The following RRN3 variants were observed in gnomAD, a reference collection of about 807,000 sequenced individuals.
RRN3 encodes RNA polymerase I-specific transcription initiation factor RRN3.
RRN3 carries 38 observed loss-of-function variants against 82.3 expected under a neutral mutation model. That is an observed-to-expected ratio of 0.46 (90% CI 0.36 to 0.61). RRN3 has a LOEUF of 0.61. Ranked by LOEUF, RRN3 falls within the 20% of genes least tolerant of loss-of-function variation. The pLI, the probability that RRN3 is intolerant of heterozygous loss-of-function variation, is 0.00. For missense variants in RRN3, 726 were observed against 793.1 expected, an observed-to-expected ratio of 0.92 and a Z score of 1.02; for synonymous variants, 284 against 284.3, an observed-to-expected ratio of 1.00 and a Z score of 0.01.
At position 15,092,557 on chromosome 16, in the gene RRN3, A is replaced by C; in HGVS notation, c.147T>G (p.Thr49=). The C allele has an allele frequency of 6.2e-7, 1 of 1,613,738 alleles. No individual in the cohort carries two copies. The part of the protein sequence containing the change: ...NDFFNSPPRK[T]VRFGGTVTEV... ...CTGTCACAGTTCCACCAAACCGAAC[A>C]GTTTTTCTTGGGGGAGAATTGAAAA... The change falls in exon 2 of 18, where the codon ACT becomes ACG. Residue 49 remains threonine (T), a synonymous_variant. Coordinates refer to ENST00000198767, the MANE Select transcript of RRN3 (RefSeq NM_018427.5).
intron 17 of RRN3, 52 bp downstream of exon 17, chr16:15,063,144 C>T (rs2044784896): frequency 3.8e-6 from 5 of 1,328,228 alleles, no homozygotes; most frequent in South Asian, 2.3e-5. Flanking sequence ...TCACTGTGAC[C>T]TGGAACCAGA....
intron 13 of RRN3, 76 bp downstream of exon 13, chr16:15,071,045 A>C (rs774531396): frequency 1.5e-6 from 2 of 1,314,476 alleles, no homozygotes; most frequent in East Asian, 4.8e-5. Flanking sequence ...AATGGGAGAT[A>C]TTTCTGACTT....
At chr16:15,090,667 C>T (rs1445655218) in intron 3 of RRN3, among the ~76,000 whole-genome samples, 1 of 152,112 alleles carries the variant, frequency 6.6e-6, no homozygotes, top group African/African-American at 2.4e-5. Context: ...AAAATAGAGG[C>T]AGAGAGGTTA....
chr16:15,089,061 GGGA>G (rs1488224227), intron 3 of RRN3, among the ~76,000 whole-genome samples: 2 of 152,144 alleles, frequency 1.3e-5, no homozygotes, highest in Non-Finnish European at 2.9e-5. Context: ...CCAGCACTTT[GGGA>G]GGCTGAGGCG....
At chr16:15,074,154 T>C (rs1190411393) in intron 11 of RRN3, among the ~76,000 whole-genome samples, 2 of 152,208 alleles carry the variant, frequency 1.3e-5, no homozygotes, top group Non-Finnish European at 2.9e-5. Flanking sequence ...CTAATCAACA[T>C]GTATTATTTT....
intron 11 of RRN3, among the ~76,000 whole-genome samples, chr16:15,073,538 C>G (rs193063991): frequency 1.9e-4 from 29 of 152,308 alleles, no homozygotes; most frequent in African/African-American, 6.7e-4. Flanking sequence ...AGATTTTCCT[C>G]TGAATATAAT....
intron 15 of RRN3, 94 bp downstream of exon 15, chr16:15,068,075 T>C: frequency 2.1e-6 from 3 of 1,414,630 alleles, no homozygotes; most frequent in Admixed American, 2.1e-5. Context: ...ATAATGTTAC[T>C]AATTTCATAG....
chr16:15,077,297 C>G (rs1315960790), intron 9 of RRN3, among the ~76,000 whole-genome samples: 1 of 152,088 alleles, frequency 6.6e-6, no homozygotes. Context: ...CATCTTGAAT[C>G]GTACTCCTCC....
intron 3 of RRN3, among the ~76,000 whole-genome samples, chr16:15,088,654 T>C (rs909059887): frequency 6.6e-6 from 1 of 152,092 alleles, no homozygotes; most frequent in Non-Finnish European, 1.5e-5. Context: ...TTCAGCTGTC[T>C]TTAAACAGTA....
In RRN3 at chr16:15,092,404, C is replaced by G. The variant is rs1358888512; in HGVS notation, c.195+105G>C. The G allele has an allele frequency of 1.7e-5, 12 of 723,742 alleles. No homozygotes were observed. In the East Asian group the frequency reaches 2.8e-4, roughly 17 times the overall value. The allele number at this position is 723,742 out of a possible 1,614,324, so 44.8% of individuals were successfully genotyped here. ...GCTATTATTAAATATTTGATTTCAA[C>G]TGGTATCTTAATTAATCTTGCTATT... On this transcript the variant is annotated intron_variant, in intron 2 of 17. Coordinates refer to ENST00000198767, the MANE Select transcript of RRN3 (RefSeq NM_018427.5).
At position 15,074,713 on chromosome 16, in the gene RRN3, T is replaced by C. The variant is rs2045376636; in HGVS notation, c.997+10A>G. 1 of 1,608,062 alleles carries C rather than the reference T, an allele frequency of 6.2e-7. No individual in the cohort carries two copies. The highest frequency in any genetic ancestry group is 1.3e-5 in the African/African-American group (1 of 74,844). ...CAGGTGTTCAATAAACAGTAGCTAC[T>C]GTGATTTACCATCTACATAGCAGAC... On this transcript the variant is annotated intron_variant, in intron 11 of 17. Transcript: ENST00000198767.
intron 14 of RRN3, among the ~76,000 whole-genome samples, chr16:15,069,004 TAC>T (rs2045104398): frequency 6.6e-6 from 1 of 152,204 alleles, no homozygotes. Context: ...CATTAATTTA[TAC>T]AAAGAAAAGC....
rs149178620 is a variant in RRN3, at chr16:15,076,182, C to T, written c.858+376G>A. 3.6e-3 allele frequency among the ~76,000 whole-genome samples: 543 copies of T among 152,268 alleles called. 3 individuals carry two copies. The highest frequency in any genetic ancestry group is 4.5e-3 in the Non-Finnish European group (307 of 68,012). ...TGTCTCAGACTCTCCTTCCACTGAA[C>T]CCAACTTCAGATACCACCCAAAAGA... On this transcript the variant is annotated intron_variant, in intron 10 of 17. Coordinates refer to ENST00000198767, the MANE Select transcript of RRN3 (RefSeq NM_018427.5).
At chr16:15,086,534 T>C (rs1251132760) in intron 3 of RRN3, 80 bp from the exon 4 acceptor site, 1 of 1,580,954 alleles carries the variant, frequency 6.3e-7, no homozygotes, top group African/African-American at 1.4e-5. Flanking sequence ...ATATCAATCA[T>C]TTATCAAGAA....
chr16:15,084,814 C>T (rs2151811823), intron 6 of RRN3, 109 bp from the exon 7 acceptor site: 1 of 794,176 alleles, frequency 1.3e-6, no homozygotes, highest in African/African-American at 1.7e-5. Flanking sequence ...GCCTGTAATC[C>T]CAGCACTTTG....
intron 15 of RRN3, among the ~76,000 whole-genome samples, chr16:15,065,659 A>G (rs2044938727): frequency 6.6e-6 from 1 of 152,250 alleles, no homozygotes; most frequent in Non-Finnish European, 1.5e-5. Context: ...TATTTTAATG[A>G]GTAATAGATA....
chr16:15,093,166 G>T (rs1267776948), intron 1 of RRN3, among the ~76,000 whole-genome samples: 1 of 152,160 alleles, frequency 6.6e-6, no homozygotes, highest in African/African-American at 2.4e-5. Context: ...CACCATGCCC[G>T]GCTGATTTTT....
intron 3 of RRN3, among the ~76,000 whole-genome samples, chr16:15,087,946 C>G (rs1410720347): frequency 6.6e-6 from 1 of 151,872 alleles, no homozygotes; most frequent in Admixed American, 6.6e-5. Context: ...GAAACCCCGT[C>G]TCTACTAAAA....
Position 15,080,079 on chromosome 16 carries a change from G to A in RRN3, c.684C>T (p.Asn228=), listed in dbSNP as rs771307152. ...GAAAATATACACTAATCCTTAGTAA[G>A]TTATGAACGTAACATTCCTAAAGGA... ...SERTLECYVH[N]LLRISVYFPT... Residue 228 remains asparagine (N), a synonymous_variant, in exon 9 of 18, where the codon AAC becomes AAT. Coordinates refer to ENST00000198767, the MANE Select transcript of RRN3 (RefSeq NM_018427.5). The A allele has an allele frequency of 5.1e-5, 82 of 1,598,534 alleles. No individual in the cohort carries two copies. In the South Asian group the frequency reaches 8.5e-4, roughly 17 times the overall value.
Sources: gnomAD v4.1 joint callset for allele counts (sites outside exome capture counted in the v4.1 genomes callset) on GRCh38, gnomAD v4.1.1 for gene constraint, MANE v1.5 for transcripts, NCBI Gene and HGNC (gene_info 2026-07-23, HGNC 2026-07-21) for gene names.